The following UBE2E3 variants were observed in gnomAD, a reference collection of about 807,000 sequenced individuals.
UBE2E3 encodes ubiquitin-conjugating enzyme E2 E3.
UBE2E3 carries 5 observed loss-of-function variants against 23.6 expected under a neutral mutation model. The ratio of observed to expected loss-of-function variants is 0.21; its 90% CI spans 0.11 to 0.44. The LOEUF is 0.44. UBE2E3 is among the 20% of genes least tolerant of loss of function. The pLI is 0.99. For synonymous variants in UBE2E3, 78 were observed against 87.5 expected (o/e 0.89, Z 0.60); for missense variants, 81 against 249.8 (o/e 0.32, Z 4.55).
intron 3 of UBE2E3, among the ~76,000 whole-genome samples, chr2:181,007,885 G>A (rs1002372505): frequency 2.0e-5 from 3 of 152,186 alleles, no homozygotes; most frequent in African/African-American, 7.2e-5. Flanking sequence ...TATTTTAAAT[G>A]TATAAATAGC....
chr2:181,005,800 CTTTG>C (rs747881230), intron 3 of UBE2E3, among the ~76,000 whole-genome samples: 8 of 151,912 alleles, frequency 5.3e-5, no homozygotes, highest in African/African-American at 1.7e-4. Context: ...CTGAAGTTAC[CTTTG>C]TTTGAGTTGT....
intron 3 of UBE2E3, among the ~76,000 whole-genome samples, chr2:181,025,487 G>T (rs1264155148): frequency 4.2e-5 from 3 of 71,134 alleles, no homozygotes; most frequent in East Asian, 6.4e-4. Context: ...TCTTTATTGT[G>T]TATACAGGTA....
intron 3 of UBE2E3, among the ~76,000 whole-genome samples, chr2:181,022,213 T>C (rs1335297159): frequency 1.3e-5 from 2 of 148,788 alleles, no homozygotes; most frequent in Non-Finnish European, 2.9e-5. Context: ...TTAATAGTTA[T>C]TTTATAGGAA....
intron 5 of UBE2E3, among the ~76,000 whole-genome samples, chr2:181,062,446 A>G (rs1574230706): frequency 6.6e-6 from 1 of 151,678 alleles, no homozygotes; most frequent in African/African-American, 2.4e-5. Flanking sequence ...TTTTTGAACT[A>G]TTCATAAGCA....
At chr2:180,982,490 A>C (rs1444369673) in intron 2 of UBE2E3, among the ~76,000 whole-genome samples, 1 of 152,202 alleles carries the variant, frequency 6.6e-6, no homozygotes, top group Non-Finnish European at 1.5e-5. Context: ...TTAGACTAAC[A>C]TTCTGACAGA....
intron 3 of UBE2E3, among the ~76,000 whole-genome samples, chr2:181,053,160 A>C (rs115452275): frequency 0.015 from 2,221 of 151,980 alleles, 58 homozygotes; most frequent in African/African-American, 0.051. Context: ...ATCAGAGGCC[A>C]GAGTGAATAC....
intron 3 of UBE2E3, among the ~76,000 whole-genome samples, chr2:180,992,281 A>G (rs1461852267): frequency 1.3e-5 from 2 of 152,138 alleles, no homozygotes; most frequent in African/African-American, 4.8e-5. Flanking sequence ...CATTCATTCT[A>G]GATACACAGT....
intron 3 of UBE2E3, among the ~76,000 whole-genome samples, chr2:181,055,901 G>C (rs930407174): frequency 6.6e-5 from 10 of 151,732 alleles, no homozygotes; most frequent in African/African-American, 1.9e-4. Context: ...TCTCTTGTTT[G>C]TATTTTATAA....
rs372695414 is a variant in UBE2E3, at chr2:181,034,323, T to C, written c.246-23370T>C. ...CTGGATTAAGAAAATGTGGCACATA[T>C]ACACCATGGAATACTGTGCAGCCAT... On this transcript the variant is annotated intron_variant, in intron 3 of 5. Transcript: ENST00000410062. 2.4e-4 allele frequency among the ~76,000 whole-genome samples: 36 copies of C among 152,346 alleles called. No homozygotes were observed. The East Asian group carries it at 3.3e-3, about 14-fold the overall frequency.
intron 3 of UBE2E3, among the ~76,000 whole-genome samples, chr2:180,989,602 A>C (rs1303390002): frequency 6.6e-6 from 1 of 152,190 alleles, no homozygotes; most frequent in Non-Finnish European, 1.5e-5. Context: ...AGAAATACTC[A>C]GTACTCTGTG....
chr2:181,052,448 A>G (rs565572943), intron 3 of UBE2E3, among the ~76,000 whole-genome samples: 2 of 152,038 alleles, frequency 1.3e-5, no homozygotes, highest in East Asian at 3.9e-4. Context: ...AAAATAAGGC[A>G]GGTTGGACAA....
chr2:180,997,223 A>G (rs138567868), intron 3 of UBE2E3, among the ~76,000 whole-genome samples: 4 of 151,156 alleles, frequency 2.6e-5, no homozygotes, highest in Non-Finnish European at 5.9e-5. Flanking sequence ...ATTATCCACT[A>G]TCCAGCTTCC....
chr2:181,018,796 G>A (rs1685580312), intron 3 of UBE2E3, among the ~76,000 whole-genome samples: 1 of 151,920 alleles, frequency 6.6e-6, no homozygotes, highest in Non-Finnish European at 1.5e-5. Context: ...TTTCTTCTGT[G>A]TCTGGAGGGT....
At chr2:181,040,623 A>T (rs984421402) in intron 3 of UBE2E3, among the ~76,000 whole-genome samples, 1 of 152,232 alleles carries the variant, frequency 6.6e-6, no homozygotes, top group Non-Finnish European at 1.5e-5. Flanking sequence ...TATAAGGTAT[A>T]CTACAAATTA....
chr2:181,032,603 T>A (rs986179937), intron 3 of UBE2E3, among the ~76,000 whole-genome samples: 1 of 152,190 alleles, frequency 6.6e-6, no homozygotes, highest in Non-Finnish European at 1.5e-5. Flanking sequence ...TAACTCCAGA[T>A]TTTTTAACTT....
chr2:181,003,960 G>T (rs62180125), intron 3 of UBE2E3, among the ~76,000 whole-genome samples: 35,365 of 152,168 alleles, frequency 0.23, 4,482 homozygotes, highest in Non-Finnish European at 0.28. Context: ...TCTAAAGACA[G>T]ACTAATAAAT....
In UBE2E3 at chr2:181,052,101, C is replaced by G. The variant is rs538447219; in HGVS notation, c.246-5592C>G. Among the ~76,000 whole-genome samples the G allele has an allele frequency of 2.0e-5, 3 of 151,808 alleles. No homozygotes were observed. The East Asian group carries it at 5.8e-4, about 30-fold the overall frequency. On this transcript the variant is annotated intron_variant, in intron 3 of 5. Transcript: ENST00000410062. ...TCCTTTTATTAGCCATATTATTAAT[C>G]TGAGTGAATCTTATCTAGTTGTTAA... is the stretch of plus-strand genomic sequence containing the variant.
At chr2:181,001,025 C>T (rs902581068) in intron 3 of UBE2E3, among the ~76,000 whole-genome samples, 10 of 152,148 alleles carry the variant, frequency 6.6e-5, no homozygotes, top group African/African-American at 2.4e-4. Context: ...TTAAGATTTA[C>T]TGTGATGAGA....
intron 3 of UBE2E3, among the ~76,000 whole-genome samples, chr2:181,017,426 C>A (rs1685530364): frequency 6.6e-6 from 1 of 152,032 alleles, no homozygotes; most frequent in Non-Finnish European, 1.5e-5. Context: ...GGGGTGGAAA[C>A]CAAGCATGAT....
Sources: gnomAD v4.1 joint callset for allele counts (sites outside exome capture counted in the v4.1 genomes callset) on GRCh38, gnomAD v4.1.1 for gene constraint, MANE v1.5 for transcripts, NCBI Gene and HGNC (gene_info 2026-07-23, HGNC 2026-07-21) for gene names.